The following PRKN variants were observed in gnomAD, a reference collection of about 807,000 sequenced individuals.
PRKN encodes the protein E3 ubiquitin-protein ligase parkin.
PRKN carries 56 observed loss-of-function variants against 59.5 expected under a neutral mutation model. That is an observed-to-expected ratio of 0.94 (90% CI 0.76 to 1.18). The LOEUF is 1.18. Ranked by LOEUF, PRKN falls within the 50% of genes most tolerant of loss-of-function variation. The pLI, the probability that PRKN is intolerant of heterozygous loss-of-function variation, is 0.00. For synonymous variants in PRKN, 250 were observed against 222.1 expected (o/e 1.13, Z -1.12); for missense variants, 657 against 596.4 (o/e 1.10, Z -1.06).
At chr6:161,536,895 C>G (rs754075730) in intron 9 of PRKN, among the ~76,000 whole-genome samples, 1 of 152,170 alleles carries the variant, frequency 6.6e-6, no homozygotes, top group Admixed American at 6.5e-5. Flanking sequence ...ATTTTGAGAT[C>G]GAAAACCTCT....
At chr6:161,606,575 A>C (rs1452785647) in intron 7 of PRKN, among the ~76,000 whole-genome samples, 2 of 152,198 alleles carry the variant, frequency 1.3e-5, no homozygotes, top group Non-Finnish European at 2.9e-5. Flanking sequence ...AGAGAAGAAA[A>C]AATCAGAAGA....
chr6:161,535,734 A>T (rs1779389036), intron 9 of PRKN, among the ~76,000 whole-genome samples: 1 of 152,146 alleles, frequency 6.6e-6, no homozygotes, highest in African/African-American at 2.4e-5. Context: ...TCTGGTTGAA[A>T]AGTGGACCTG....
chr6:161,612,848 C>T (rs1045805912), intron 7 of PRKN, among the ~76,000 whole-genome samples: 1 of 151,880 alleles, frequency 6.6e-6, no homozygotes, highest in African/African-American at 2.4e-5. Flanking sequence ...TTTAAGCCCA[C>T]TGTTGAGACC....
At chr6:161,574,681 C>A (rs966789993) in intron 7 of PRKN, among the ~76,000 whole-genome samples, 8 of 152,072 alleles carry the variant, frequency 5.3e-5, no homozygotes, top group African/African-American at 1.9e-4. Context: ...CAAAGATTCC[C>A]GGCAGCATCT....
intron 4 of PRKN, among the ~76,000 whole-genome samples, chr6:162,192,415 A>G (rs894860607): frequency 3.0e-5 from 4 of 134,666 alleles, no homozygotes; most frequent in Admixed American, 2.2e-4. Context: ...CTCATGATTT[A>G]TGGTAAGCAT....
intron 10 of PRKN, among the ~76,000 whole-genome samples, chr6:161,384,331 A>C (rs997075168): frequency 5.9e-5 from 9 of 152,206 alleles, no homozygotes; most frequent in Middle Eastern, 3.2e-3. Flanking sequence ...GCTTGAGCTC[A>C]GGAGTTCAAG....
Position 161,507,386 on chromosome 6 carries a change from T to C in PRKN, c.1083+41468A>G, listed in dbSNP as rs190269275. Among the ~76,000 whole-genome samples the C allele has an allele frequency of 3.7e-4, 57 of 152,356 alleles. 1 individual carries two copies. Among genetic ancestry groups the C allele is most frequent in the Non-Finnish European group, 8.8e-5 (6 of 68,030 alleles). The stretch of plus-strand genomic sequence containing the variant: ...TCAAGTGAATTTGGGGCATCAGTTC[T>C]CAGTTTTGACACAATGACTTGGGCA... On this transcript the variant is annotated intron_variant, in intron 9 of 11. Coordinates refer to ENST00000366898, the MANE Select transcript of PRKN (RefSeq NM_004562.3).
chr6:161,551,917 G>A lies in PRKN; in HGVS notation c.934-2914C>T, dbSNP rs1242401372. Among the ~76,000 whole-genome samples, 1 of 152,164 alleles carries A rather than the reference G, an allele frequency of 6.6e-6. No individual in the cohort carries two copies. Among genetic ancestry groups the A allele is most frequent in the Middle Eastern group, 3.2e-3 (1 of 316 alleles). On this transcript the variant is annotated intron_variant, in intron 8 of 11. Transcript: ENST00000366898. The surrounding 1 kb of genome is among the most constrained non-coding windows in gnomAD (Gnocchi z 5.2). ...GGAGGATCTAAAGGATGTGTGGAGG[G>A]TTGGCCTTCAGAGAGCAGGCAGCCA...
intron 9 of PRKN, among the ~76,000 whole-genome samples, chr6:161,510,854 A>T (rs192173760): frequency 6.6e-6 from 1 of 152,300 alleles, no homozygotes; most frequent in East Asian, 1.9e-4. Context: ...GTGGGCTGAA[A>T]ATGGCCCTCC....
At position 161,713,859 on chromosome 6, in the gene PRKN, C is replaced by T. The variant is rs1421145994; in HGVS notation, c.871+71913G>A. Among the ~76,000 whole-genome samples, 3 of 152,068 alleles carry T rather than the reference C, an allele frequency of 2.0e-5. No individual in the cohort carries two copies. In the East Asian group the frequency reaches 5.8e-4, roughly 29 times the overall value. On this transcript the variant is annotated intron_variant, in intron 7 of 11. Coordinates refer to ENST00000366898, the MANE Select transcript of PRKN (RefSeq NM_004562.3). ...TTGAATCATGGGGCCGGGTTTTTGCCATGCTGTTCTCGTGGGAGTGAATAA... is the reference window on the plus strand; with the variant it reads ...TTGAATCATGGGGCCGGGTTTTTGCTATGCTGTTCTCGTGGGAGTGAATAA...
chr6:161,949,512 AAAAC>A (rs10644394), intron 6 of PRKN, among the ~76,000 whole-genome samples: 3 of 151,902 alleles, frequency 2.0e-5, no homozygotes, highest in South Asian at 2.1e-4. Context: ...CTCTGTCTTA[AAAAC>A]AAACAAACAA....
chr6:161,678,568 A>ATT (rs201640028), intron 7 of PRKN, among the ~76,000 whole-genome samples: 17,784 of 121,142 alleles, frequency 0.15, 2,035 homozygotes, highest in African/African-American at 0.27. Context: ...TTGGTGCCTG[A>ATT]TTTTTTTTTT....
At chr6:161,375,276 G>A (rs1785647531) in intron 10 of PRKN, among the ~76,000 whole-genome samples, 1 of 152,184 alleles carries the variant, frequency 6.6e-6, no homozygotes, top group African/African-American at 2.4e-5. Flanking sequence ...CTGCCGTGCT[G>A]GAGTGACAGT....
chr6:161,716,068 AT>A, intron 7 of PRKN: 4 of 855,550 alleles, frequency 4.7e-6, no homozygotes, highest in South Asian at 1.7e-5. Flanking sequence ...TGCTGGGCCC[AT>A]CTTACCGACT....
At chr6:161,602,829 C>A (rs1782154226) in intron 7 of PRKN, among the ~76,000 whole-genome samples, 2 of 152,196 alleles carry the variant, frequency 1.3e-5, no homozygotes, top group Non-Finnish European at 2.9e-5. Flanking sequence ...AAACTAAGAA[C>A]TCTAGGGAAT....
intron 6 of PRKN, among the ~76,000 whole-genome samples, chr6:161,897,709 C>T (rs750726539): frequency 3.7e-4 from 55 of 150,306 alleles, no homozygotes; most frequent in Non-Finnish European, 3.8e-4. Context: ...CGGCCGGGCG[C>T]GGTGGCTCAC....
chr6:161,773,816 A>T (rs1392904139), intron 7 of PRKN, among the ~76,000 whole-genome samples: 5 of 152,164 alleles, frequency 3.3e-5, no homozygotes, highest in African/African-American at 1.2e-4. Context: ...ACACTTAATA[A>T]GATGCAGAAA....
chr6:162,315,226 T>A (rs1425752021), intron 2 of PRKN, among the ~76,000 whole-genome samples: 1 of 152,206 alleles, frequency 6.6e-6, no homozygotes, highest in African/African-American at 2.4e-5. Flanking sequence ...CGACTTCCTA[T>A]GTGCTAAAAG....
intron 7 of PRKN, among the ~76,000 whole-genome samples, chr6:161,644,613 T>C (rs1251201430): frequency 6.6e-6 from 1 of 152,186 alleles, no homozygotes; most frequent in African/African-American, 2.4e-5. Flanking sequence ...GCCATTCAGA[T>C]CTCTCATGTC....
Sources: allele counts gnomAD v4.1 joint callset (sites outside exome capture counted in the v4.1 genomes callset), GRCh38; gene constraint gnomAD v4.1.1; non-coding constraint Gnocchi (gnomAD v3.1); transcripts MANE v1.5; gene names NCBI Gene and HGNC (gene_info 2026-07-23, HGNC 2026-07-21).